Variants in L3MBTL3 observed in about 807,000 individuals in gnomAD.
L3MBTL3 encodes the protein lethal(3)malignant brain tumor-like protein 3.
In L3MBTL3, 27 loss-of-function variants were observed where a neutral mutation model predicts 102.3. The ratio of observed to expected loss-of-function variants is 0.26; its 90% CI spans 0.19 to 0.36. L3MBTL3 has a LOEUF of 0.36. Among genes scored for constraint, L3MBTL3 ranks in the 10% least tolerant of loss-of-function variants. L3MBTL3 has a pLI of 1.00. For missense variants in L3MBTL3, 798 were observed against 955.3 expected, an observed-to-expected ratio of 0.84 and a Z score of 2.17; for synonymous variants, 340 against 320.9, an observed-to-expected ratio of 1.06 and a Z score of -0.64.
intron 20 of L3MBTL3, among the ~76,000 whole-genome samples, chr6:130,124,477 G>C (rs1035518137): frequency 9.2e-5 from 14 of 152,144 alleles, no homozygotes; most frequent in Non-Finnish European, 1.9e-4. Context: ...AATGAACCTG[G>C]CTCTTAAATT....
Position 130,071,074 on chromosome 6 carries a change from G to A in L3MBTL3, c.1191G>A (p.Val397=), listed in dbSNP as rs1345968330. 1.2e-6 allele frequency: 2 copies of A among 1,613,098 alleles called. No homozygotes were observed. Among genetic ancestry groups the A allele is most frequent in the Non-Finnish European group, 8.5e-7 (1 of 1,179,364 alleles). ...GTGTTGCTACGGTAACAGATATGGT[G>A]GACAATCGTTTCCTGGTACATTTTG... ...FICVATVTDM[V]DNRFLVHFDN... is the part of the protein sequence containing the mutation. The change falls in exon 13 of 23, where the codon GTG becomes GTA. Residue 397 remains valine, a synonymous_variant. Transcript: ENST00000361794.
At chr6:130,039,689 A>AT (rs1463663065) in intron 2 of L3MBTL3, among the ~76,000 whole-genome samples, 1 of 152,056 alleles carries the variant, frequency 6.6e-6, no homozygotes, top group African/African-American at 2.4e-5. Flanking sequence ...TATAAGCATA[A>AT]TTTTTATGAA....
At chr6:130,103,854 T>G (rs1430961786) in intron 18 of L3MBTL3, among the ~76,000 whole-genome samples, 2 of 152,222 alleles carry the variant, frequency 1.3e-5, no homozygotes, top group African/African-American at 4.8e-5. Flanking sequence ...CTGGTCCTTT[T>G]TCATCTTATG....
chr6:130,038,733 GTTGA>G (rs1220204392), intron 2 of L3MBTL3, among the ~76,000 whole-genome samples: 1 of 152,038 alleles, frequency 6.6e-6, no homozygotes, highest in African/African-American at 2.4e-5. Context: ...TCTTAACTAT[GTTGA>G]TTGTTTCCAT....
chr6:130,055,392 A>C (rs1426390769), intron 8 of L3MBTL3, 137 bp downstream of exon 8: 1 of 652,676 alleles, frequency 1.5e-6, no homozygotes, highest in South Asian at 2.0e-5. Context: ...TAAAGATTTG[A>C]GATTTTGAGG....
chr6:130,115,491 G>A (rs1299406294), intron 19 of L3MBTL3, among the ~76,000 whole-genome samples: 2 of 152,192 alleles, frequency 1.3e-5, no homozygotes, highest in Non-Finnish European at 2.9e-5. Flanking sequence ...TAATTGAAAC[G>A]TAATTGGTTA....
chr6:130,087,093 T>C (rs1459465821), intron 16 of L3MBTL3, among the ~76,000 whole-genome samples: 1 of 152,176 alleles, frequency 6.6e-6, no homozygotes, highest in Admixed American at 6.6e-5. Flanking sequence ...TTCTTAGTTC[T>C]AAGCTGTAGG....
At chr6:130,062,215 A>T (rs1242775052) in intron 10 of L3MBTL3, among the ~76,000 whole-genome samples, 1 of 152,118 alleles carries the variant, frequency 6.6e-6, no homozygotes, top group Non-Finnish European at 1.5e-5. Context: ...AAGAGTGCAT[A>T]TTAATAAAAG....
At chr6:130,061,019 A>G (rs972248751) in intron 10 of L3MBTL3, among the ~76,000 whole-genome samples, 9 of 151,830 alleles carry the variant, frequency 5.9e-5, no homozygotes, top group Admixed American at 1.3e-4. Flanking sequence ...CAATGATAAC[A>G]TACGGTTACA....
At chr6:130,087,003 T>C (rs1003088408) in intron 16 of L3MBTL3, among the ~76,000 whole-genome samples, 4 of 152,216 alleles carry the variant, frequency 2.6e-5, no homozygotes, top group African/African-American at 9.6e-5. Context: ...GAAGTATACA[T>C]TGTTATCACT....
At chr6:130,113,417 T>C (rs1397359381) in intron 19 of L3MBTL3, among the ~76,000 whole-genome samples, 4 of 152,236 alleles carry the variant, frequency 2.6e-5, no homozygotes, top group Admixed American at 6.5e-5. Flanking sequence ...CACATAGCCT[T>C]GTTCTCATGA....
chr6:130,095,691 C>T (rs1784320970), intron 18 of L3MBTL3, among the ~76,000 whole-genome samples: 1 of 152,150 alleles, frequency 6.6e-6, no homozygotes, highest in South Asian at 2.1e-4. Context: ...TTATTTCTCA[C>T]TTTCTGGAGG....
At chr6:130,089,908 CTCTA>C (rs71543177) in intron 16 of L3MBTL3, among the ~76,000 whole-genome samples, 5,826 of 151,836 alleles carry the variant, frequency 0.038, 160 homozygotes, top group Non-Finnish European at 0.062. Context: ...TACATCAACA[CTCTA>C]TCTTTTTCTT....
intron 10 of L3MBTL3, 42 bp downstream of exon 10, chr6:130,060,182 A>T: frequency 8.2e-7 from 1 of 1,214,350 alleles, no homozygotes. Flanking sequence ...TAAAATGGTG[A>T]TTATGGGGAT....
chr6:130,116,889 A>G (rs906385537), intron 19 of L3MBTL3, among the ~76,000 whole-genome samples: 24 of 151,728 alleles, frequency 1.6e-4, no homozygotes, highest in African/African-American at 5.5e-4. Flanking sequence ...GTATTAAAAT[A>G]TAGCATGAAA....
At chr6:130,104,692 A>T in intron 19 of L3MBTL3, 117 bp downstream of exon 19, 1 of 684,236 alleles carries the variant, frequency 1.5e-6, no homozygotes, top group Non-Finnish European at 2.2e-6. Context: ...TTGAAAATAC[A>T]CCTGACTTAA....
At position 130,071,839 on chromosome 6, in the gene L3MBTL3, T is replaced by A. The variant is rs535099200; in HGVS notation, c.1244+712T>A. Among the ~76,000 whole-genome samples the A allele has an allele frequency of 2.0e-5, 3 of 152,298 alleles. No homozygotes were observed. In the South Asian group the frequency reaches 6.2e-4, roughly 32 times the overall value. ...TGTTTTTTGACCTAATTTTTTAGTA[T>A]CCATATATTTAAACATTCAGTAGAC... On this transcript the variant is annotated intron_variant, in intron 13 of 22. Transcript: ENST00000361794.
At chr6:130,138,905 A>G (rs377535824) in intron 22 of L3MBTL3, among the ~76,000 whole-genome samples, 4 of 152,248 alleles carry the variant, frequency 2.6e-5, no homozygotes, top group African/African-American at 9.6e-5. Context: ...TTGAACTTCT[A>G]GAGAATAGTA....
At chr6:130,054,896 G>A (rs1781360089) in intron 7 of L3MBTL3, among the ~76,000 whole-genome samples, 1 of 152,234 alleles carries the variant, frequency 6.6e-6, no homozygotes, top group Admixed American at 6.5e-5. Flanking sequence ...TCAGAGCAGA[G>A]CGGTCACGCA....
Sources: gnomAD v4.1 joint callset for allele counts (sites outside exome capture counted in the v4.1 genomes callset) on GRCh38, gnomAD v4.1.1 for gene constraint, MANE v1.5 for transcripts, NCBI Gene and HGNC (gene_info 2026-07-23, HGNC 2026-07-21) for gene names.